SLC9A6: variants seen among roughly 807,000 people sequenced by gnomAD.
The protein encoded by SLC9A6 is sodium/hydrogen exchanger 6.
In SLC9A6, 6 loss-of-function variants were observed where a neutral mutation model predicts 45.3. The ratio of observed to expected loss-of-function variants is 0.13; its 90% confidence interval spans 0.07 to 0.26. The LOEUF is 0.26. Among genes scored for constraint, SLC9A6 ranks in the 10% least tolerant of loss-of-function variants. The pLI is 1.00. For missense variants in SLC9A6, 278 were observed against 503.7 expected (o/e 0.55, Z 4.29); for synonymous variants, 191 against 187.7 (o/e 1.02, Z -0.14).
chrX:135,998,297 C>T, intron 4 of SLC9A6, 112 bp downstream of exon 4: 4 of 577,685 alleles, frequency 6.9e-6, no homozygotes, highest in Non-Finnish European at 1.2e-5. Context: ...CCTTTCTCCT[C>T]TCCTTATCCT....
intron 14 of SLC9A6, 120 bp from the exon 15 acceptor site, chrX:136,030,012 A>G (rs889894321): frequency 1.4e-6 from 1 of 715,501 alleles, no homozygotes; most frequent in Admixed American, 2.4e-5. Context: ...GAGAAGCAAG[A>G]AAACATTAAC....
At chrX:136,014,760 G>C (rs1181990495) in intron 10 of SLC9A6, among the ~76,000 whole-genome samples, 2 of 112,897 alleles carry the variant, frequency 1.8e-5, no homozygotes, top group Non-Finnish European at 3.7e-5. Context: ...GCGAGACTCT[G>C]TCTCAAGAAC....
chrX:136,016,746 A>G lies in SLC9A6; in HGVS notation c.1182A>G (p.Val394=), dbSNP rs782696949. Residue 394 remains valine, a synonymous_variant, in exon 11 of 18, where the codon GTA becomes GTG. Transcript: ENST00000630721. ...FQNHVFNPTF[V]VGAFVAIFLG... ...ACCATGTCTTTAACCCAACATTTGT[A>G]GTAGGAGCATTTGTATCCTTTATTA... The G allele has an allele frequency of 3.7e-6, 4 of 1,090,747 alleles. No individual in the cohort carries two copies. In the East Asian group the frequency reaches 1.2e-4, roughly 33 times the overall value. 89.9% of individuals were successfully genotyped at this position (1,090,747 alleles called of 1,213,427 possible).
intron 7 of SLC9A6, among the ~76,000 whole-genome samples, chrX:136,003,873 T>C (rs1376919655): frequency 9.0e-6 from 1 of 111,466 alleles, no homozygotes; most frequent in Non-Finnish European, 1.9e-5. Flanking sequence ...GACATAATCA[T>C]TTCAAAACAT....
In SLC9A6 at chrX:136,004,714, C is replaced by T. The variant is rs868947486; in HGVS notation, c.743+2501C>T. ...TATGTAAATATTACCCCCTCCCCACCATATTTATTGCCAGATTTTTTTTGC... is the reference window on the plus strand; with the variant it reads ...TATGTAAATATTACCCCCTCCCCACTATATTTATTGCCAGATTTTTTTTGC... On this transcript the variant is annotated intron_variant, in intron 7 of 17. Transcript: ENST00000630721. Among the ~76,000 whole-genome samples, 11 of 111,792 alleles carry T rather than the reference C, an allele frequency of 9.8e-5. No individual in the cohort carries two copies. The South Asian group carries it at 1.5e-3, about 15-fold the overall frequency.
chrX:136,033,522 G>A, intron 16 of SLC9A6, 29 bp downstream of exon 16: 10 of 814,311 alleles, frequency 1.2e-5, no homozygotes, highest in Non-Finnish European at 1.6e-5. Context: ...AAAAAAAAAA[G>A]GATAATGTGG....
At chrX:136,042,442 TG>T (rs1556622795) in intron 17 of SLC9A6, among the ~76,000 whole-genome samples, 1 of 111,887 alleles carries the variant, frequency 8.9e-6, no homozygotes, top group East Asian at 2.8e-4. Context: ...CCTCCCAAAG[TG>T]TTGGGATTAC....
chrX:136,033,759 A>T (rs1213158908), intron 16 of SLC9A6, among the ~76,000 whole-genome samples: 1 of 111,640 alleles, frequency 9.0e-6, no homozygotes, highest in Non-Finnish European at 1.9e-5. Context: ...TTTGATATAT[A>T]GGTTTATTTA....
chrX:136,044,583 C>A lies in SLC9A6; in HGVS notation c.1899C>A (p.Asn633Lys). 1 of 1,209,548 alleles carries A rather than the reference C, an allele frequency of 8.3e-7. No homozygotes were observed. Among genetic ancestry groups the A allele is most frequent in the East Asian group, 3.0e-5 (1 of 33,764 alleles). ...TSSAPRRFMG[N>K]SSEDALDREL... ...GCGCCCCAAGGAGATTTATGGGAAACAGTTCTGAAGATGCCTTGGATCGGG... is the reference window on the plus strand; with the variant it reads ...GCGCCCCAAGGAGATTTATGGGAAAAAGTTCTGAAGATGCCTTGGATCGGG... The change falls in exon 18 of 18, where the codon AAC (asparagine) becomes AAA (lysine). Residue 633 changes from asparagine to lysine, a missense_variant. By Grantham distance (94) the Asn-to-Lys change is moderately conservative (BLOSUM62 0). This residue lies in a region of SLC9A6 where 91 missense variants were observed against 125.1 expected (regional missense o/e 0.73). Coordinates refer to ENST00000630721, the MANE Select transcript of SLC9A6 (RefSeq NM_001379110.1).
intron 2 of SLC9A6, among the ~76,000 whole-genome samples, chrX:135,993,868 T>A (rs1223995092): frequency 8.9e-6 from 1 of 111,766 alleles, no homozygotes; most frequent in East Asian, 2.8e-4. Flanking sequence ...TCCAGCAATC[T>A]GTTTGATGTC....
Position 136,045,062 on chromosome X carries a change from A to C in SLC9A6, c.*338A>C, listed in dbSNP as rs2071575960. 1 of 194,922 alleles carries C rather than the reference A, an allele frequency of 5.1e-6. No individual in the cohort carries two copies. Among genetic ancestry groups the C allele is most frequent in the African/African-American group, 3.0e-5 (1 of 33,833 alleles). 16.1% of individuals were successfully genotyped at this position (194,922 alleles called of 1,213,427 possible). A position where few individuals can be genotyped will look rare whatever the true frequency, so the allele number is the denominator to read the frequency against. On this transcript the variant is annotated 3_prime_UTR_variant, in exon 18 of 18. Coordinates refer to ENST00000630721, the MANE Select transcript of SLC9A6 (RefSeq NM_001379110.1). Reference sequence around the variant, plus strand: ...TTACCTGACACTTAACCAGAGTACCAGTTCTCGTGATGTGAATTAATTTTT... The same window carrying C: ...TTACCTGACACTTAACCAGAGTACCCGTTCTCGTGATGTGAATTAATTTTT...
At chrX:136,006,668 T>G (rs1193539851) in intron 7 of SLC9A6, among the ~76,000 whole-genome samples, 2 of 110,814 alleles carry the variant, frequency 1.8e-5, no homozygotes, top group African/African-American at 6.6e-5. Flanking sequence ...CGTTGCATAG[T>G]ATTCCACTGA....
chrX:135,998,670 C>A, intron 5 of SLC9A6, 112 bp downstream of exon 5: 1 of 669,887 alleles, frequency 1.5e-6, no homozygotes, highest in Non-Finnish European at 2.3e-6. Flanking sequence ...AAGACTTTTG[C>A]AATATTCACG....
chrX:136,006,787 G>A (rs2089664071), intron 7 of SLC9A6, among the ~76,000 whole-genome samples: 1 of 111,100 alleles, frequency 9.0e-6, no homozygotes, highest in African/African-American at 3.3e-5. Flanking sequence ...GACAACAAAC[G>A]TGATAAACTG....
In SLC9A6 at chrX:136,023,185, A is replaced by G. The variant is rs1479973994; in HGVS notation, c.1306+488A>G. On this transcript the variant is annotated intron_variant, in intron 12 of 17. Transcript: ENST00000630721. Reference sequence around the variant, plus strand: ...AATGTATATATATATATATATATATATATATATATATATATATATATATAT... The same window carrying G: ...AATGTATATATATATATATATATATGTATATATATATATATATATATATAT... 2.7e-3 allele frequency among the ~76,000 whole-genome samples: 91 copies of G among 34,141 alleles called. 5 individuals carry two copies. The highest frequency in any genetic ancestry group is 0.013 in the African/African-American group (76 of 5,992). 29.6% of individuals were successfully genotyped at this position (34,141 alleles called of 115,157 possible).
At chrX:136,043,282 C>T (rs2071544344) in intron 17 of SLC9A6, among the ~76,000 whole-genome samples, 2 of 112,047 alleles carry the variant, frequency 1.8e-5, no homozygotes, top group African/African-American at 6.5e-5. Context: ...TGGCCTCAAA[C>T]TTCTGGGCTC....
At chrX:135,979,232 G>T (rs1252899449) in intron 1 of SLC9A6, among the ~76,000 whole-genome samples, 1 of 111,396 alleles carries the variant, frequency 9.0e-6, no homozygotes, top group Non-Finnish European at 1.9e-5. Context: ...CTTATCCTGG[G>T]TACTAGCTGT....
chrX:135,999,873 A>G (rs1556617136), intron 6 of SLC9A6, among the ~76,000 whole-genome samples: 1 of 111,119 alleles, frequency 9.0e-6, no homozygotes, highest in Non-Finnish European at 1.9e-5. Flanking sequence ...GTAGAATCCT[A>G]AGGTTATCTC....
chrX:136,030,788 C>G (rs1461400185), intron 15 of SLC9A6, among the ~76,000 whole-genome samples: 1 of 111,764 alleles, frequency 8.9e-6, no homozygotes, highest in African/African-American at 3.3e-5. Flanking sequence ...ACTGACTACC[C>G]TTGTCTGGTA....
Sources: gnomAD v4.1 joint callset for allele counts (sites outside exome capture counted in the v4.1 genomes callset) on GRCh38, gnomAD v4.1.1 for gene constraint, gnomAD v4.1.1 regional missense constraint, MANE v1.5 for transcripts, NCBI Gene and HGNC (gene_info 2026-07-23, HGNC 2026-07-21) for gene names.